The following FN1 variants were observed in gnomAD, a reference collection of about 807,000 sequenced individuals.
The protein encoded by FN1 is fibronectin 1.
Under a neutral mutation model 297.3 loss-of-function variants are expected in FN1, and 106 were observed. The ratio of observed to expected loss-of-function variants is 0.36; its 90% CI spans 0.30 to 0.42. The LOEUF (loss-of-function observed/expected upper bound fraction) is 0.42. Ranked by LOEUF, FN1 falls within the 10% of genes least tolerant of loss-of-function variation. The pLI is 1.00. For synonymous variants in FN1, 1,149 were observed against 1,152.6 expected (o/e 1.00, Z 0.06); for missense variants, 2,690 against 3,124.9 (o/e 0.86, Z 3.32).
At chr2:215,378,094 C>T in intron 35 of FN1, 81 bp downstream of exon 35, 2 of 895,988 alleles carry the variant, frequency 2.2e-6, no homozygotes, top group Non-Finnish European at 3.7e-6. Flanking sequence ...AGACATGAGC[C>T]ACTGAACCCC....
At chr2:215,381,971 G>C (rs2058282823) in intron 32 of FN1, 1 of 477,138 alleles carries the variant, frequency 2.1e-6, no homozygotes, top group African/African-American at 2.0e-5. Flanking sequence ...GAGGCCATTT[G>C]AGCAAAAGAA....
chr2:215,431,377 G>A (rs957003490), intron 4 of FN1, among the ~76,000 whole-genome samples: 1 of 152,266 alleles, frequency 6.6e-6, no homozygotes, highest in African/African-American at 2.4e-5. Context: ...ATTCAACTGA[G>A]GATTGAGATC....
At chr2:215,370,766 C>T (rs752523637) in intron 40 of FN1, among the ~76,000 whole-genome samples, 5 of 152,214 alleles carry the variant, frequency 3.3e-5, no homozygotes, top group Middle Eastern at 3.4e-3. Flanking sequence ...GAAGCCCTGG[C>T]CATGTTTGCT....
Position 215,372,382 on chromosome 2 carries a change from G to T in FN1, c.6248-7C>A. The T allele has an allele frequency of 6.2e-7, 1 of 1,611,994 alleles. No homozygotes were observed. Among genetic ancestry groups the T allele is most frequent in the Non-Finnish European group, 8.5e-7 (1 of 1,178,110 alleles). On this transcript the variant is annotated splice_polypyrimidine_tract_variant and splice_region_variant and intron_variant, in intron 39 of 45. Transcript: ENST00000354785. ...ACCAGTTGGGGAAGCTCGTCTAGCCGAGAGAGGTTAGAGCCAAAAAAGCAA... is the reference window on the plus strand; with the variant it reads ...ACCAGTTGGGGAAGCTCGTCTAGCCTAGAGAGGTTAGAGCCAAAAAAGCAA...
chr2:215,365,445 G>T (rs998579993), intron 43 of FN1, 60 bp downstream of exon 43: 18 of 1,550,056 alleles, frequency 1.2e-5, no homozygotes, highest in Non-Finnish European at 1.3e-5. Context: ...GAGAGTTACA[G>T]CCTGATAATG....
chr2:215,399,246 C>T lies in FN1; in HGVS notation c.3348+11G>A. ...GCTGTATCACAGAGATTAGGAACAT[C>T]TGCAGTTTACCTTAAAACCAATTCT... is the stretch of plus-strand genomic sequence containing the variant. On this transcript the variant is annotated intron_variant, in intron 21 of 45. Transcript: ENST00000354785. 1.3e-6 allele frequency: 2 copies of T among 1,591,968 alleles called. No homozygotes were observed. Among genetic ancestry groups the T allele is most frequent in the Non-Finnish European group, 1.7e-6 (2 of 1,159,820 alleles).
chr2:215,372,274 G>C lies in FN1; in HGVS notation c.6349C>G (p.Pro2117Ala), dbSNP rs746673884. 1.2e-6 allele frequency: 2 copies of C among 1,614,092 alleles called. No individual in the cohort carries two copies. Among genetic ancestry groups the C allele is most frequent in the African/African-American group, 1.3e-5 (1 of 75,036 alleles). Residue 2117 changes from proline (P) to alanine (A), a missense_variant, in exon 40 of 46, where the codon CCT becomes GCT. Around this residue, in one of 3 missense-constraint regions of FN1, gnomAD observed 1,743 missense variants for 1,945.2 expected, o/e 0.90. Coordinates refer to ENST00000354785, the MANE Select transcript of FN1 (RefSeq NM_212482.4). ...ATACCATTTCCAGTGTCATACCCAG[G>C]GTGGGTGACGAAAGGGGTCTTTTGA... is the stretch of plus-strand genomic sequence containing the variant. ...TVQKTPFVTH[P>A]GYDTGNGIQL...
chr2:215,412,715 T>G (rs1389908124), intron 13 of FN1, among the ~76,000 whole-genome samples: 1 of 151,742 alleles, frequency 6.6e-6, no homozygotes, highest in Non-Finnish European at 1.5e-5. Context: ...TTATATTTGT[T>G]CTTCTTGTGT....
At chr2:215,369,143 T>C (rs555086581) in intron 41 of FN1, among the ~76,000 whole-genome samples, 1 of 150,606 alleles carries the variant, frequency 6.6e-6, no homozygotes, top group South Asian at 2.1e-4. Context: ...AAATTGTTAC[T>C]AGGGGTTTCT....
rs770271450 is a variant in FN1 at position 215,422,169 on chromosome 2, T to C, written c.1468A>G (p.Met490Val). ...CACGTGCACCTCATCATGTGACCCA[T>C]GTCATGCTGCTTATCCCACTGATCT... ...IGDQWDKQHD[M>V]GHMMRCTCVG... The change falls in exon 10 of 46, where the codon ATG becomes GTG. Residue 490 changes from methionine (M) to valine (V), a missense_variant. This residue lies in a region of FN1 where 876 missense variants were observed against 1,058.1 expected (regional missense o/e 0.83). Coordinates refer to ENST00000354785, the MANE Select transcript of FN1 (RefSeq NM_212482.4). 7 of 1,614,030 alleles carry C rather than the reference T, an allele frequency of 4.3e-6. No homozygotes were observed. The highest frequency in any genetic ancestry group is 3.3e-5 in the South Asian group (3 of 91,092).
chr2:215,393,445 T>TA lies in FN1; in HGVS notation c.3797-243_3797-242insT, dbSNP rs5838508. The TA allele has an allele frequency of 0.25, 43,488 of 171,896 alleles. 6,690 individuals carry two copies. The highest frequency in any genetic ancestry group is 0.81 in the East Asian group (4,699 of 5,826). 10.6% of individuals were successfully genotyped at this position (171,896 alleles called of 1,614,324 possible). A position where few individuals can be genotyped will look rare whatever the true frequency, so the allele number is the denominator to read the frequency against. On this transcript the variant is annotated intron_variant, in intron 24 of 45. Transcript: ENST00000354785. ...TTTAGGGAATATATATATATATATA[T>TA]TTTTTACATTTTGAAAACATCCTTA...
At position 215,370,444 on chromosome 2, in the gene FN1, G is replaced by C. The variant is rs374528470; in HGVS notation, c.6715-12C>G. 2 of 1,609,232 alleles carry C rather than the reference G, an allele frequency of 1.2e-6. No individual in the cohort carries two copies. The highest frequency in any genetic ancestry group is 1.7e-6 in the Non-Finnish European group (2 of 1,177,388). On this transcript the variant is annotated splice_polypyrimidine_tract_variant and intron_variant, in intron 40 of 45. Coordinates refer to ENST00000354785, the MANE Select transcript of FN1 (RefSeq NM_212482.4). ...CCAGGAACCCTGAACTGCAATTATC[G>C]GTACATCCAAAGCAGAGAGAAAGCA... is the stretch of plus-strand genomic sequence containing the variant.
In FN1 at chr2:215,404,419, T is replaced by C; in HGVS notation, c.3223A>G (p.Ser1075Gly). 1 of 1,614,154 alleles carries C rather than the reference T, an allele frequency of 6.2e-7. No individual in the cohort carries two copies. Among genetic ancestry groups the C allele is most frequent in the African/African-American group, 1.3e-5 (1 of 75,042 alleles). ...GTAAAGACTCCAGTGGCTTTGGGGC[T>C]CTCTTGGTTGCCCTTTATGGCCACG... ...SLVAIKGNQESPKATGVFTTL... is the reference protein window; with the variant it reads ...SLVAIKGNQEGPKATGVFTTL... Residue 1075 changes from serine to glycine, a missense_variant, in exon 20 of 46, where the codon AGC becomes GGC. Ser to Gly is a moderately conservative substitution (Grantham distance 56). This residue lies in a region of FN1 where 1,743 missense variants were observed against 1,945.2 expected (regional missense o/e 0.90). Transcript: ENST00000354785.
chr2:215,376,670 G>A lies in FN1; in HGVS notation c.5715C>T (p.Val1905=). 1.2e-6 allele frequency: 2 copies of A among 1,613,662 alleles called. No individual in the cohort carries two copies. The highest frequency in any genetic ancestry group is 2.2e-5 in the South Asian group (2 of 91,054). The part of the protein sequence containing the change: ...AQGVVTTLEN[V]SPPRRARVTD... Reference sequence around the variant, plus strand: ...TCACACGAGCCCTTCTTGGTGGGCTGACATCTGCACAGGAGCATAGCTAGA... The same window carrying A: ...TCACACGAGCCCTTCTTGGTGGGCTAACATCTGCACAGGAGCATAGCTAGA... Residue 1905 remains valine (V), a synonymous_variant, in exon 36 of 46, where the codon GTC becomes GTT. Coordinates refer to ENST00000354785, the MANE Select transcript of FN1 (RefSeq NM_212482.4).
chr2:215,364,048 A>AG (rs1252201698), intron 44 of FN1, among the ~76,000 whole-genome samples: 5 of 152,172 alleles, frequency 3.3e-5, no homozygotes, highest in African/African-American at 7.2e-5. Context: ...CGTAAACCTC[A>AG]GCCAGTTCAT....
chr2:215,387,135 A>T (rs1014901740), intron 27 of FN1, among the ~76,000 whole-genome samples, 177 bp from the exon 28 acceptor site: 1 of 152,134 alleles, frequency 6.6e-6, no homozygotes, highest in Non-Finnish European at 1.5e-5. Context: ...GCTACATATG[A>T]ATTTTAAAAT....
chr2:215,392,898 T>G (rs568623452), intron 25 of FN1, 33 bp downstream of exon 25: 2 of 1,611,566 alleles, frequency 1.2e-6, no homozygotes, highest in East Asian at 4.5e-5. Context: ...CAACACCATC[T>G]ATGTCTCAAA....
intron 5 of FN1, among the ~76,000 whole-genome samples, chr2:215,430,013 T>C (rs1181742776): frequency 1.3e-5 from 2 of 152,184 alleles, no homozygotes; most frequent in African/African-American, 4.8e-5. Flanking sequence ...GTCAAAATGG[T>C]TACCACTTTT....
At chr2:215,411,756 T>G (rs559984069) in intron 13 of FN1, among the ~76,000 whole-genome samples, 15 of 151,482 alleles carry the variant, frequency 9.9e-5, no homozygotes, top group African/African-American at 3.4e-4. Flanking sequence ...AACCTCCGCC[T>G]TCTGGTTTCA....
Sources: gnomAD v4.1 joint callset for allele counts (sites outside exome capture counted in the v4.1 genomes callset) on GRCh38, gnomAD v4.1.1 for gene constraint, gnomAD v4.1.1 regional missense constraint, MANE v1.5 for transcripts, NCBI Gene and HGNC (gene_info 2026-07-23, HGNC 2026-07-21) for gene names.